The following ROBO2 variants were observed in gnomAD, a reference collection of about 807,000 sequenced individuals.
ROBO2 encodes roundabout guidance receptor 2, also known as roundabout homolog 2.
In ROBO2, 53 loss-of-function variants were observed where a neutral mutation model predicts 160.8. The observed-to-expected ratio is 0.33, with a 90% confidence interval of 0.26 to 0.41. The LOEUF (loss-of-function observed/expected upper bound fraction) is 0.41. Among genes scored for constraint, ROBO2 ranks in the 10% least tolerant of loss-of-function variants. ROBO2 has a pLI of 1.00. For missense variants in ROBO2, 1,577 were observed against 1,722.4 expected (o/e 0.92, Z 1.49); for synonymous variants, 664 against 611.7 (o/e 1.09, Z -1.26).
At chr3:77,608,001 C>T (rs767110812) in intron 21 of ROBO2, 47 bp downstream of exon 22, 1 of 1,594,586 alleles carries the variant, frequency 6.3e-7, no homozygotes, top group Non-Finnish European at 8.6e-7. Flanking sequence ...CTCTCCTCTC[C>T]TCTCTGTTGT....
chr3:77,617,368 T>C (rs2094803601), intron 21 of ROBO2, 145 bp from the exon 23 acceptor site: 15 of 826,364 alleles, frequency 1.8e-5, no homozygotes, highest in Non-Finnish European at 2.8e-5. Context: ...TGATTTACTG[T>C]GGTGACACCA....
At chr3:76,521,810 G>T (rs2081634106) in intron 2 of ROBO2, among the ~76,000 whole-genome samples, 1 of 151,958 alleles carries the variant, frequency 6.6e-6, no homozygotes, top group Non-Finnish European at 1.5e-5. Flanking sequence ...TATTCTTATA[G>T]AGTTATTATA....
chr3:76,834,060 T>TC (rs1158697084), intron 2 of ROBO2, among the ~76,000 whole-genome samples: 19 of 122,590 alleles, frequency 1.5e-4, no homozygotes, highest in South Asian at 6.1e-4. Context: ...CTCCTTTCTT[T>TC]CTTTTCTTTC....
intron 2 of ROBO2, among the ~76,000 whole-genome samples, chr3:76,256,029 T>A (rs967558272): frequency 6.6e-6 from 1 of 152,088 alleles, no homozygotes; most frequent in Non-Finnish European, 1.5e-5. Context: ...CCAGGTGCAG[T>A]GGTTCACGCC....
intron 2 of ROBO2, among the ~76,000 whole-genome samples, chr3:76,612,050 G>A (rs980263198): frequency 8.5e-5 from 13 of 152,052 alleles, no homozygotes; most frequent in Admixed American, 5.2e-4. Context: ...TAATTTCCAT[G>A]TTTGTGCAGT....
At chr3:77,500,004 A>G (rs2087348705) in intron 5 of ROBO2, among the ~76,000 whole-genome samples, 1 of 152,168 alleles carries the variant, frequency 6.6e-6, no homozygotes, top group Non-Finnish European at 1.5e-5. Flanking sequence ...GCCAAGTCTG[A>G]AAGTTGCCTG....
intron 2 of ROBO2, among the ~76,000 whole-genome samples, chr3:76,067,756 G>A (rs1288710952): frequency 6.6e-6 from 1 of 152,116 alleles, no homozygotes; most frequent in African/African-American, 2.4e-5. Context: ...ACCCTCTAGT[G>A]TATGTGATTG....
rs1164492861 is a variant in ROBO2 at position 75,985,742 on chromosome 3, T to C, written c.109+48140T>C. Among the ~76,000 whole-genome samples the C allele has an allele frequency of 4.6e-5, 7 of 151,608 alleles. No individual in the cohort carries two copies. The South Asian group carries it at 1.4e-3, about 31-fold the overall frequency. ...CAATATATATCTCTAGAAACTACCA[T>C]TCTTTTCGTCTGTGATTTTGACTAT... On this transcript the variant is annotated intron_variant, in intron 2 of 26. Coordinates refer to the ROBO2 transcript ENST00000487694.
At chr3:76,023,538 G>T (rs1266803521) in intron 2 of ROBO2, among the ~76,000 whole-genome samples, 4 of 151,578 alleles carry the variant, frequency 2.6e-5, no homozygotes, top group Non-Finnish European at 4.4e-5. Context: ...AGTTGCTAAA[G>T]AACTGAGAAC....
chr3:75,956,100 G>A (rs1468076780), intron 2 of ROBO2, among the ~76,000 whole-genome samples: 1 of 151,750 alleles, frequency 6.6e-6, no homozygotes, highest in Admixed American at 6.6e-5. Context: ...GCACAAGGGT[G>A]AATTATGTCA....
chr3:77,615,116 A>G (rs2094740762), intron 21 of ROBO2, among the ~76,000 whole-genome samples: 1 of 152,164 alleles, frequency 6.6e-6, no homozygotes, highest in African/African-American at 2.4e-5. Flanking sequence ...ACTGAATTGT[A>G]TGCTCTGTGA....
intron 2 of ROBO2, among the ~76,000 whole-genome samples, chr3:76,421,655 G>A (rs940794769): frequency 5.9e-5 from 9 of 151,934 alleles, no homozygotes; most frequent in African/African-American, 1.9e-4. Context: ...GAACCTAGGA[G>A]GCACAGGTTG....
chr3:76,190,523 A>C (rs1201528199), intron 2 of ROBO2, among the ~76,000 whole-genome samples: 1 of 152,100 alleles, frequency 6.6e-6, no homozygotes, highest in Non-Finnish European at 1.5e-5. Context: ...GTGATTATCT[A>C]ATGCTTTAAA....
At chr3:76,273,120 A>AATATATATATATATATATATATATATAT (rs749043409) in intron 2 of ROBO2, among the ~76,000 whole-genome samples, 1 of 32,330 alleles carries the variant, frequency 3.1e-5, no homozygotes, top group African/African-American at 5.7e-5. Flanking sequence ...CACACATATA[A>AATATATATATATATATATATATATATAT]ATATATATAT....
intron 21 of ROBO2, among the ~76,000 whole-genome samples, chr3:77,616,025 C>A (rs1427667552): frequency 7.2e-5 from 11 of 152,120 alleles, no homozygotes; most frequent in African/African-American, 2.4e-4. Flanking sequence ...AGAATGACAG[C>A]TTTCTTGAAT....
intron 2 of ROBO2, among the ~76,000 whole-genome samples, chr3:76,400,206 G>C (rs897194142): frequency 6.6e-6 from 1 of 151,524 alleles, no homozygotes; most frequent in African/African-American, 2.4e-5. Flanking sequence ...TTGCATTGAA[G>C]CAATATCTTA....
intron 2 of ROBO2, among the ~76,000 whole-genome samples, chr3:76,325,005 T>C (rs1275643077): frequency 6.6e-6 from 1 of 152,138 alleles, no homozygotes; most frequent in African/African-American, 2.4e-5. Flanking sequence ...CTCGGGAGGC[T>C]GAGGCAGGAG....
chr3:77,216,089 G>C (rs565624423), intron 2 of ROBO2, among the ~76,000 whole-genome samples: 1 of 152,150 alleles, frequency 6.6e-6, no homozygotes, highest in Non-Finnish European at 1.5e-5. Flanking sequence ...CTGGGAGAAC[G>C]ACTACTCTCT....
intron 2 of ROBO2, among the ~76,000 whole-genome samples, chr3:77,337,506 C>T (rs562731107): frequency 6.6e-6 from 1 of 151,592 alleles, no homozygotes; most frequent in South Asian, 2.1e-4. Flanking sequence ...AATATGTTAC[C>T]TGAACTTAAG....
Sources: gnomAD v4.1 joint callset for allele counts (sites outside exome capture counted in the v4.1 genomes callset) on GRCh38, gnomAD v4.1.1 for gene constraint, MANE v1.5 for transcripts, NCBI Gene and HGNC (gene_info 2026-07-23, HGNC 2026-07-21) for gene names.